GSE1: variants seen among roughly 807,000 people sequenced by gnomAD.
GSE1 encodes Gse1 coiled-coil protein, also known as genetic suppressor element 1.
In GSE1, 32 loss-of-function variants were observed where a neutral mutation model predicts 112.6. The ratio of observed to expected loss-of-function variants is 0.28; its 90% CI spans 0.21 to 0.38. The LOEUF (loss-of-function observed/expected upper bound fraction) is 0.38, where lower values mean the gene tolerates loss of function less well. GSE1 is among the 10% of genes least tolerant of loss of function. GSE1 has a pLI of 1.00. For synonymous variants in GSE1, 1,115 were observed against 735.6 expected, an observed-to-expected ratio of 1.52 and a Z score of -8.35; for missense variants, 2,348 against 1,699.2, an observed-to-expected ratio of 1.38 and a Z score of -6.71.
At chr16:85,367,653 G>T (rs1265159206) in intron 2 of GSE1, among the ~76,000 whole-genome samples, 1 of 152,200 alleles carries the variant, frequency 6.6e-6, no homozygotes, top group Non-Finnish European at 1.5e-5. Flanking sequence ...GGGGCAGCCA[G>T]TGCCTGGCAT....
At chr16:85,277,088 G>A (rs9923735) in intron 1 of GSE1, among the ~76,000 whole-genome samples, 51,424 of 152,068 alleles carry the variant, frequency 0.34, 9,733 homozygotes, top group Non-Finnish European at 0.45. Context: ...ATCTGGGGAA[G>A]GAGCTGGGGG....
In GSE1 at chr16:85,675,038, G is replaced by A. The variant is rs1598749992; in HGVS notation, c.*2499G>A. 6.6e-6 allele frequency: 1 copy of A among 152,590 alleles called. No individual in the cohort carries two copies. The highest frequency in any genetic ancestry group is 1.9e-4 in the East Asian group (1 of 5,190). 9.5% of individuals were successfully genotyped at this position (152,590 alleles called of 1,614,324 possible). A position where few individuals can be genotyped will look rare whatever the true frequency, so the allele number is the denominator to read the frequency against. On this transcript the variant is annotated 3_prime_UTR_variant, in exon 16 of 16. Coordinates refer to ENST00000253458, the MANE Select transcript of GSE1 (RefSeq NM_014615.5). The stretch of plus-strand genomic sequence containing the variant: ...ACCCAAGACACAGTACCCAGTCATG[G>A]TTTCCCCATCCAACTATTAGTTTCA...
At chr16:85,357,540 C>T (rs1013541873) in exon 2 of GSE1, 1 of 1,284,542 alleles carries the variant, frequency 7.8e-7, no homozygotes, top group African/African-American at 1.5e-5. Context: ...CACGCGCCCC[C>T]ACGGAGACCC....
intron 1 of GSE1, among the ~76,000 whole-genome samples, chr16:85,208,316 TC>T (rs1475270840): frequency 6.6e-6 from 1 of 152,162 alleles, no homozygotes; most frequent in African/African-American, 2.4e-5. Context: ...TCATCAGTGC[TC>T]CCTGAACGGT....
intron 2 of GSE1, among the ~76,000 whole-genome samples, chr16:85,415,468 A>G (rs960674735): frequency 1.3e-5 from 2 of 152,180 alleles, no homozygotes; most frequent in African/African-American, 4.8e-5. Flanking sequence ...TTGCCATCCT[A>G]GAGATGCAGA....
intron 1 of GSE1, among the ~76,000 whole-genome samples, chr16:85,244,621 A>T (rs1036702765): frequency 6.6e-6 from 1 of 152,124 alleles, no homozygotes; most frequent in African/African-American, 2.4e-5. Context: ...AGGCTGAGGC[A>T]GGAGGATCGC....
At chr16:85,584,405 G>A (rs931255404) in intron 1 of GSE1, among the ~76,000 whole-genome samples, 4 of 152,140 alleles carry the variant, frequency 2.6e-5, no homozygotes, top group Non-Finnish European at 4.4e-5. Flanking sequence ...TTCCCTCCAC[G>A]CTGCCTCTAA....
intron 1 of GSE1, among the ~76,000 whole-genome samples, chr16:85,229,130 G>A (rs990714564): frequency 2.0e-5 from 3 of 152,246 alleles, no homozygotes; most frequent in Non-Finnish European, 4.4e-5. Context: ...GTGGGAGCAG[G>A]GGGCTGAGGT....
At chr16:85,666,464 A>C (rs973908970) in intron 13 of GSE1, 117 bp downstream of exon 13, 56 of 898,160 alleles carry the variant, frequency 6.2e-5, no homozygotes, top group Middle Eastern at 3.4e-4. Flanking sequence ...ATAAACTCCA[A>C]TCACCAGAAG....
intron 1 of GSE1, among the ~76,000 whole-genome samples, chr16:85,242,493 C>T (rs759881607): frequency 7.2e-5 from 11 of 152,392 alleles, no homozygotes; most frequent in Non-Finnish European, 1.6e-4. Flanking sequence ...GGCCACTTTG[C>T]ACTGGTCCTT....
chr16:85,366,390 C>T (rs967668026), intron 2 of GSE1, among the ~76,000 whole-genome samples: 3 of 152,392 alleles, frequency 2.0e-5, no homozygotes, highest in Non-Finnish European at 4.4e-5. Context: ...TCTCTTCATA[C>T]GTTTCCAGCT....
chr16:85,640,320 T>C (rs968556175), intron 2 of GSE1, among the ~76,000 whole-genome samples: 1 of 152,188 alleles, frequency 6.6e-6, no homozygotes, highest in East Asian at 1.9e-4. Flanking sequence ...CAAGCAGGTG[T>C]TGGCCGCTGT....
At chr16:85,401,481 C>G (rs2048114349) in intron 2 of GSE1, among the ~76,000 whole-genome samples, 1 of 152,120 alleles carries the variant, frequency 6.6e-6, no homozygotes, top group South Asian at 2.1e-4. Flanking sequence ...ACAGTTGCTT[C>G]CCTTGGGGCA....
At chr16:85,300,706 A>C (rs557594835) in intron 1 of GSE1, among the ~76,000 whole-genome samples, 2 of 152,220 alleles carry the variant, frequency 1.3e-5, no homozygotes, top group East Asian at 3.9e-4. Context: ...TCCACTTTGG[A>C]GCAGCCGCTC....
intron 1 of GSE1, among the ~76,000 whole-genome samples, chr16:85,304,480 G>C (rs750013925): frequency 6.6e-6 from 1 of 152,174 alleles, no homozygotes; most frequent in Non-Finnish European, 1.5e-5. Flanking sequence ...AGTGCCCTCA[G>C]CTCTGTGGAG....
At chr16:85,396,503 C>T (rs2047969006) in intron 2 of GSE1, among the ~76,000 whole-genome samples, 1 of 152,252 alleles carries the variant, frequency 6.6e-6, no homozygotes, top group South Asian at 2.1e-4. Context: ...GTCCCGGATG[C>T]TCTCCGCTCC....
At chr16:85,205,630 C>T (rs985501812) in intron 1 of GSE1, among the ~76,000 whole-genome samples, 1 of 152,156 alleles carries the variant, frequency 6.6e-6, no homozygotes, top group Non-Finnish European at 1.5e-5. Flanking sequence ...GGGCTCTACA[C>T]TGGGGGTAAG....
intron 1 of GSE1, among the ~76,000 whole-genome samples, chr16:85,626,884 C>T (rs1474789680): frequency 1.3e-5 from 2 of 151,870 alleles, no homozygotes; most frequent in African/African-American, 2.4e-5. Context: ...GGCCTCCCCC[C>T]TCGTTTAAAT....
upstream of GSE1, among the ~76,000 whole-genome samples, chr16:85,554,688 G>T (rs1350677382): frequency 6.6e-6 from 1 of 152,098 alleles, no homozygotes; most frequent in Non-Finnish European, 1.5e-5. Context: ...CACAAAAGGC[G>T]GCCCCGAGTC....
Sources: allele counts gnomAD v4.1 joint callset (sites outside exome capture counted in the v4.1 genomes callset), GRCh38; gene constraint gnomAD v4.1.1; transcripts MANE v1.5; gene names NCBI Gene and HGNC (gene_info 2026-07-23, HGNC 2026-07-21).